Variants in SMARCA2 observed in about 807,000 individuals in gnomAD.
The protein encoded by SMARCA2 is SWI/SNF-related matrix-associated actin-dependent regulator of chromatin subfamily A member 2.
Under a neutral mutation model 199.8 loss-of-function variants are expected in SMARCA2, and 61 were observed. That is an observed-to-expected ratio of 0.31 (90% confidence interval 0.25 to 0.38). The LOEUF (loss-of-function observed/expected upper bound fraction) is 0.38. Ranked by LOEUF, SMARCA2 falls within the 10% of genes least tolerant of loss-of-function variation. The pLI, the probability that SMARCA2 is intolerant of heterozygous loss-of-function variation, is 1.00. For synonymous variants in SMARCA2, 935 were observed against 732.0 expected (o/e 1.28, Z -4.48); for missense variants, 1,344 against 2,012.2 (o/e 0.67, Z 6.35).
At chr9:2,129,687 A>T (rs947870624) in intron 27 of SMARCA2, among the ~76,000 whole-genome samples, 1 of 152,122 alleles carries the variant, frequency 6.6e-6, no homozygotes, top group Non-Finnish European at 1.5e-5. Flanking sequence ...ACTGGCTCAC[A>T]TCCCCAACCC....
chr9:2,153,290 A>G (rs918823335), intron 27 of SMARCA2, among the ~76,000 whole-genome samples: 9 of 152,216 alleles, frequency 5.9e-5, no homozygotes, highest in African/African-American at 2.2e-4. Context: ...TAATCCCAAC[A>G]CTTTGGGAGG....
At chr9:2,166,971 T>C (rs1218947183) in intron 28 of SMARCA2, among the ~76,000 whole-genome samples, 1 of 152,262 alleles carries the variant, frequency 6.6e-6, no homozygotes, top group African/African-American at 2.4e-5. Context: ...TGGCACTTAA[T>C]GATGTTATTT....
chr9:2,028,088 C>G (rs982015378), intron 1 of SMARCA2, among the ~76,000 whole-genome samples: 1 of 152,052 alleles, frequency 6.6e-6, no homozygotes, highest in African/African-American at 2.4e-5. Context: ...ACCAGAATTT[C>G]CACACCTCAT....
In SMARCA2 at chr9:2,119,329, C is replaced by T; in HGVS notation, c.3685-129C>T. The T allele has an allele frequency of 1.6e-6, 1 of 634,106 alleles. No individual in the cohort carries two copies. The highest frequency in any genetic ancestry group is 2.0e-5 in the South Asian group (1 of 50,498). 39.3% of individuals were successfully genotyped at this position (634,106 alleles called of 1,614,324 possible). On this transcript the variant is annotated intron_variant, in intron 25 of 33. Transcript: ENST00000349721. The surrounding 1 kb of genome is among the most constrained non-coding windows in gnomAD (Gnocchi z 4.6). Reference sequence around the variant, plus strand: ...AAATAGTAACGTCAAGGACTAAATCCAGCAACCCCTTCCCTTTTCTTTCTG... The same window carrying T: ...AAATAGTAACGTCAAGGACTAAATCTAGCAACCCCTTCCCTTTTCTTTCTG...
chr9:2,146,482 T>C (rs1824752850), intron 27 of SMARCA2, among the ~76,000 whole-genome samples: 1 of 152,140 alleles, frequency 6.6e-6, no homozygotes, highest in Admixed American at 6.6e-5. Flanking sequence ...TTCCTAGGTA[T>C]TGTGGCTTTG....
intron 4 of SMARCA2, chr9:2,041,330 G>A (rs1819595163): frequency 2.5e-6 from 1 of 398,468 alleles, no homozygotes; most frequent in African/African-American, 2.1e-5. Context: ...ATTTCTTACA[G>A]CTCTGAATGC....
At chr9:2,150,691 G>C (rs968121991) in intron 27 of SMARCA2, among the ~76,000 whole-genome samples, 1 of 151,566 alleles carries the variant, frequency 6.6e-6, no homozygotes, top group African/African-American at 2.4e-5. Context: ...CTATGTAATA[G>C]TTTGCTAGGA....
At chr9:2,129,662 C>T (rs1368469979) in intron 27 of SMARCA2, among the ~76,000 whole-genome samples, 2 of 152,160 alleles carry the variant, frequency 1.3e-5, no homozygotes, top group African/African-American at 4.8e-5. Context: ...CCTCTCTGCC[C>T]TCCCTGGAGG....
chr9:2,143,517 G>C (rs1450898604), intron 27 of SMARCA2, among the ~76,000 whole-genome samples: 1 of 152,184 alleles, frequency 6.6e-6, no homozygotes, highest in Non-Finnish European at 1.5e-5. Context: ...AACCCATAAG[G>C]GAGGCCATTT....
intron 19 of SMARCA2, chr9:2,096,455 GC>G (rs910460175): frequency 3.4e-5 from 16 of 473,104 alleles, no homozygotes; most frequent in African/African-American, 2.2e-4. Flanking sequence ...CCTTCAGAAG[GC>G]CCCCCCATCA....
chr9:2,168,778 C>A (rs1251381393), intron 28 of SMARCA2, among the ~76,000 whole-genome samples: 2 of 151,978 alleles, frequency 1.3e-5, no homozygotes, highest in African/African-American at 4.8e-5. Context: ...TTTCCCCAAG[C>A]CAATCAGATG....
rs7874264 is a variant in SMARCA2, at chr9:2,067,326, G to C, written c.1693-3092G>C. Among the ~76,000 whole-genome samples the C allele has an allele frequency of 9.4e-3, 1,433 of 152,266 alleles. 28 individuals carry two copies. The highest frequency in any genetic ancestry group is 0.033 in the African/African-American group (1,359 of 41,552). ...TTCAATCACCAAATATTTATTTAGC[G>C]CCTTTTAAGTGCCTGATGCCCTTGT... On this transcript the variant is annotated intron_variant, in intron 9 of 33. Coordinates refer to ENST00000349721, the MANE Select transcript of SMARCA2 (RefSeq NM_003070.5).
chr9:2,083,324 TG>T (rs762188304), intron 15 of SMARCA2, 22 bp from the exon 16 acceptor site: 20 of 1,444,786 alleles, frequency 1.4e-5, no homozygotes, highest in East Asian at 2.3e-5. Flanking sequence ...TTTTTTCTGT[TG>T]TTTTTTTTTT....
chr9:2,187,006 T>A (rs774183240), intron 32 of SMARCA2, among the ~76,000 whole-genome samples: 26 of 152,234 alleles, frequency 1.7e-4, no homozygotes, highest in Non-Finnish European at 2.6e-4. Flanking sequence ...TCCGTATTTC[T>A]GGCAAATTCC....
chr9:2,159,997 G>A, intron 27 of SMARCA2: 1 of 1,529,728 alleles, frequency 6.5e-7, no homozygotes, highest in Non-Finnish European at 8.8e-7. Context: ...AAAAGCCGGT[G>A]TTCTCCGTAT....
chr9:2,159,642 T>C, intron 27 of SMARCA2: 1 of 677,232 alleles, frequency 1.5e-6, no homozygotes, highest in Non-Finnish European at 2.3e-6. Context: ...TGATAAGTAG[T>C]TGTCAATATT....
chr9:2,180,093 G>C (rs997345930), intron 29 of SMARCA2, among the ~76,000 whole-genome samples: 11 of 152,178 alleles, frequency 7.2e-5, no homozygotes, highest in African/African-American at 2.7e-4. Context: ...GAGATGTGAG[G>C]GGTAGGGGTG....
At chr9:2,183,128 A>AAATC (rs1221044465) in intron 31 of SMARCA2, among the ~76,000 whole-genome samples, 1 of 152,218 alleles carries the variant, frequency 6.6e-6, no homozygotes, top group African/African-American at 2.4e-5. Context: ...GGATTCAAGT[A>AAATC]AATCATTGAA....
intron 32 of SMARCA2, among the ~76,000 whole-genome samples, chr9:2,190,000 A>G (rs569272010): frequency 6.6e-6 from 1 of 152,256 alleles, no homozygotes; most frequent in South Asian, 2.1e-4. Flanking sequence ...TAGTCTAGCA[A>G]AGCTAGCTTG....
Sources: allele counts gnomAD v4.1 joint callset (sites outside exome capture counted in the v4.1 genomes callset), GRCh38; gene constraint gnomAD v4.1.1; non-coding constraint Gnocchi (gnomAD v3.1); transcripts MANE v1.5; gene names NCBI Gene and HGNC (gene_info 2026-07-23, HGNC 2026-07-21).